The following THSD7A variants were observed in gnomAD, a reference collection of about 807,000 sequenced individuals.
THSD7A encodes thrombospondin type-1 domain-containing protein 7A.
THSD7A carries 96 observed loss-of-function variants against 231.3 expected under a neutral mutation model. That is an observed-to-expected ratio of 0.41 (90% confidence interval 0.35 to 0.49). The LOEUF (loss-of-function observed/expected upper bound fraction) is 0.49. THSD7A is among the 20% of genes least tolerant of loss of function. The pLI is 0.05. For synonymous variants in THSD7A, 940 were observed against 743.3 expected, an observed-to-expected ratio of 1.26 and a Z score of -4.30; for missense variants, 2,290 against 2,070.2, an observed-to-expected ratio of 1.11 and a Z score of -2.06.
chr7:11,756,091 T>A (rs547068523), intron 1 of THSD7A, among the ~76,000 whole-genome samples: 102 of 152,184 alleles, frequency 6.7e-4, no homozygotes, highest in African/African-American at 2.5e-3. Context: ...GTCACTATAT[T>A]CCAGTTTCTT....
At chr7:11,703,592 G>A (rs1008308194) in intron 1 of THSD7A, among the ~76,000 whole-genome samples, 8 of 151,184 alleles carry the variant, frequency 5.3e-5, no homozygotes, top group African/African-American at 1.9e-4. Flanking sequence ...ATACAGTAGT[G>A]TAATGCCTGG....
intron 1 of THSD7A, among the ~76,000 whole-genome samples, chr7:11,824,039 T>C (rs1784953980): frequency 6.6e-6 from 1 of 152,096 alleles, no homozygotes; most frequent in African/African-American, 2.4e-5. Context: ...TGTGACAACA[T>C]TTAATGCTGT....
At chr7:11,645,462 A>C (rs1257106732) in intron 1 of THSD7A, among the ~76,000 whole-genome samples, 1 of 151,906 alleles carries the variant, frequency 6.6e-6, no homozygotes, top group Non-Finnish European at 1.5e-5. Flanking sequence ...TAATAAGTAC[A>C]CATGTATTAA....
intron 1 of THSD7A, among the ~76,000 whole-genome samples, chr7:11,744,748 A>C (rs905775583): frequency 6.6e-6 from 1 of 152,034 alleles, no homozygotes; most frequent in Non-Finnish European, 1.5e-5. Context: ...AGCTTCATCC[A>C]TGTCCCTACA....
chr7:11,791,160 T>C (rs1783940931), intron 1 of THSD7A, among the ~76,000 whole-genome samples: 1 of 151,978 alleles, frequency 6.6e-6, no homozygotes, highest in Non-Finnish European at 1.5e-5. Context: ...AATATGTACT[T>C]AATTGGCCTG....
chr7:11,396,148 T>C (rs891322415), intron 23 of THSD7A, among the ~76,000 whole-genome samples: 1 of 152,182 alleles, frequency 6.6e-6, no homozygotes, highest in Non-Finnish European at 1.5e-5. Context: ...GCTAAAACTG[T>C]GTTTAGAGGG....
chr7:11,454,914 G>A (rs1214749094), intron 11 of THSD7A, among the ~76,000 whole-genome samples: 1 of 151,900 alleles, frequency 6.6e-6, no homozygotes, highest in Non-Finnish European at 1.5e-5. Flanking sequence ...AAGATGATAG[G>A]AATTTTATTT....
At chr7:11,644,111 A>G (rs1782194290) in intron 1 of THSD7A, among the ~76,000 whole-genome samples, 2 of 151,618 alleles carry the variant, frequency 1.3e-5, no homozygotes, top group African/African-American at 4.8e-5. Flanking sequence ...GTTTCCAGAA[A>G]TACATCAAAG....
chr7:11,416,698 T>C (rs1348512205), intron 17 of THSD7A, among the ~76,000 whole-genome samples: 2 of 152,248 alleles, frequency 1.3e-5, no homozygotes, highest in Non-Finnish European at 2.9e-5. Context: ...GTTATTTTTC[T>C]CATGCTTTTG....
Position 11,590,119 on chromosome 7 carries a change from A to G in THSD7A, c.1453+341T>C, listed in dbSNP as rs1780093593. Among the ~76,000 whole-genome samples the G allele has an allele frequency of 6.6e-6, 1 of 152,204 alleles. No individual in the cohort carries two copies. The highest frequency in any genetic ancestry group is 1.5e-5 in the Non-Finnish European group (1 of 68,036). ...TACTTCTTATATAATTTTGGAATTT[A>G]GAATATATATTTGCATGATATGTGT... On this transcript the variant is annotated intron_variant, in intron 4 of 27. Transcript: ENST00000423059. The surrounding 1 kb of genome is among the most constrained non-coding windows in gnomAD (Gnocchi z 4.4).
intron 6 of THSD7A, among the ~76,000 whole-genome samples, chr7:11,486,663 A>G (rs1007429019): frequency 6.6e-6 from 1 of 152,200 alleles, no homozygotes; most frequent in African/African-American, 2.4e-5. Context: ...GTGATGTCAC[A>G]AACATTTAGA....
chr7:11,402,299 A>G (rs939677108), intron 22 of THSD7A, among the ~76,000 whole-genome samples: 2 of 152,252 alleles, frequency 1.3e-5, no homozygotes, highest in Admixed American at 1.3e-4. Flanking sequence ...TCTTGTCATT[A>G]TCATAGTAAA....
At chr7:11,630,601 T>TTTAAAA (rs1427071135) in intron 2 of THSD7A, among the ~76,000 whole-genome samples, 1 of 152,158 alleles carries the variant, frequency 6.6e-6, no homozygotes, top group Non-Finnish European at 1.5e-5. Flanking sequence ...CAGAAATCTG[T>TTTAAAA]TTAAAATCCT....
At chr7:11,740,217 T>C (rs1782062756) in intron 1 of THSD7A, among the ~76,000 whole-genome samples, 1 of 151,934 alleles carries the variant, frequency 6.6e-6, no homozygotes, top group South Asian at 2.1e-4. Context: ...AAGGCAATGC[T>C]GGGCTATACC....
intron 1 of THSD7A, among the ~76,000 whole-genome samples, chr7:11,805,032 G>A (rs959365546): frequency 1.3e-4 from 20 of 152,062 alleles, no homozygotes; most frequent in African/African-American, 3.9e-4. Context: ...CCCTATGGAA[G>A]CTTACAATTA....
Position 11,559,520 on chromosome 7 carries a change from C to CATATATATAAATCCAT in THSD7A, c.1454-16404_1454-16403insATGGATTTATATATAT, listed in dbSNP as rs1554337572. ...CCATACATATACATATATATAAATC[C>CATATATATAAATCCAT]ATATATATATATATAAATCCATATA... On this transcript the variant is annotated intron_variant, in intron 4 of 27. Transcript: ENST00000423059. Among the ~76,000 whole-genome samples the CATATATATAAATCCAT allele has an allele frequency of 1.6e-3, 219 of 139,472 alleles. 3 individuals carry two copies. The highest frequency in any genetic ancestry group is 0.012 in the Middle Eastern group (3 of 256). The allele number at this position is 139,472 out of a possible 152,430, so 91.5% of individuals were successfully genotyped here. A position where few individuals can be genotyped will look rare whatever the true frequency, so the allele number is the denominator to read the frequency against.
intron 8 of THSD7A, among the ~76,000 whole-genome samples, chr7:11,473,448 G>A (rs1786017137): frequency 6.6e-6 from 1 of 152,052 alleles, no homozygotes; most frequent in African/African-American, 2.4e-5. Context: ...TAACCACTTG[G>A]CTGAGTATTT....
At position 11,636,928 on chromosome 7, in the gene THSD7A, C is replaced by T; in HGVS notation, c.224G>A (p.Gly75Asp). The part of the protein sequence containing the change: ...PWGRCMGDEC[G>D]PGGIQTRAVW... ...AGCCCTCGTTTGGATGCCTCCGGGA[C>T]CACATTCATCTCCCATACATCGGCC... The change falls in exon 2 of 28, where the codon GGT (glycine) becomes GAT (aspartate). Residue 75 changes from glycine to aspartate, a missense_variant. By Grantham distance (94) the Gly-to-Asp change is moderately conservative. Transcript: ENST00000423059. The surrounding 1 kb of genome is among the most constrained non-coding windows in gnomAD (Gnocchi z 10.0). 1.2e-6 allele frequency: 2 copies of T among 1,612,192 alleles called. No individual in the cohort carries two copies. The highest frequency in any genetic ancestry group is 1.7e-6 in the Non-Finnish European group (2 of 1,179,622).
At position 11,541,421 on chromosome 7, in the gene THSD7A, T is replaced by C. The variant is rs924581345; in HGVS notation, c.1820A>G (p.Asp607Gly). 3 of 1,613,794 alleles carry C rather than the reference T, an allele frequency of 1.9e-6. No homozygotes were observed. The highest frequency in any genetic ancestry group is 1.3e-5 in the African/African-American group (1 of 74,928). ...CATAATAGATACGTCTGTCTTACCA[T>C]CACTGTTGATGCACACAACCTCTTG... is the stretch of plus-strand genomic sequence containing the variant. Reference protein sequence around the residue: ...QVQEVVCINSDGEEVDRQLCR... With the variant: ...QVQEVVCINSGGEEVDRQLCR... Residue 607 changes from aspartate (D) to glycine (G), a missense_variant and splice_region_variant, in exon 6 of 28, where the codon GAT (aspartate) becomes GGT (glycine). Asp to Gly is a moderately conservative substitution (Grantham distance 94, BLOSUM62 -1). Coordinates refer to ENST00000423059, the MANE Select transcript of THSD7A (RefSeq NM_015204.3).
Sources: allele counts gnomAD v4.1 joint callset (sites outside exome capture counted in the v4.1 genomes callset), GRCh38; gene constraint gnomAD v4.1.1; non-coding constraint Gnocchi (gnomAD v3.1); transcripts MANE v1.5; gene names NCBI Gene and HGNC (gene_info 2026-07-23, HGNC 2026-07-21).